GLCE: variants seen among roughly 807,000 people sequenced by gnomAD.
GLCE encodes the protein glucuronic acid epimerase, also known as D-glucuronyl C5-epimerase.
GLCE carries 19 observed loss-of-function variants against 47.9 expected under a neutral mutation model. The ratio of observed to expected loss-of-function variants is 0.40; its 90% CI spans 0.28 to 0.58. The LOEUF is 0.58. Ranked by LOEUF, GLCE falls within the 20% of genes least tolerant of loss-of-function variation. The pLI is 0.48. For missense variants in GLCE, 556 were observed against 743.3 expected, an observed-to-expected ratio of 0.75 and a Z score of 2.93; for synonymous variants, 245 against 263.4, an observed-to-expected ratio of 0.93 and a Z score of 0.68.
At chr15:69,193,151 T>G (rs767006178) in intron 1 of GLCE, among the ~76,000 whole-genome samples, 1 of 151,616 alleles carries the variant, frequency 6.6e-6, no homozygotes, top group Non-Finnish European at 1.5e-5. Flanking sequence ...AATTCAGCAA[T>G]GTTCCTAGGT....
At chr15:69,250,435 C>T (rs1358596795) in intron 2 of GLCE, among the ~76,000 whole-genome samples, 1 of 152,050 alleles carries the variant, frequency 6.6e-6, no homozygotes, top group Non-Finnish European at 1.5e-5. Context: ...CTAAATTTTT[C>T]TACAAATTTT....
chr15:69,223,012 G>A (rs1333407080), intron 2 of GLCE, among the ~76,000 whole-genome samples: 2 of 152,128 alleles, frequency 1.3e-5, no homozygotes, highest in Admixed American at 1.3e-4. Context: ...CCTGTCAGTT[G>A]TTGGTGTCAC....
chr15:69,244,489 G>A (rs967245233), intron 2 of GLCE, among the ~76,000 whole-genome samples: 2 of 152,078 alleles, frequency 1.3e-5, no homozygotes, highest in South Asian at 2.1e-4. Context: ...AATTCAGTTC[G>A]CAGTCTAGTA....
rs544636596 is a variant in GLCE, at chr15:69,236,146, G to A, written c.-13-19648G>A. Among the ~76,000 whole-genome samples the A allele has an allele frequency of 1.5e-4, 23 of 152,154 alleles. 1 individual carries two copies. Among genetic ancestry groups the A allele is most frequent in the Admixed American group, 3.3e-4 (5 of 15,276 alleles). On this transcript the variant is annotated intron_variant, in intron 2 of 4. Coordinates refer to ENST00000261858, the MANE Select transcript of GLCE (RefSeq NM_015554.3). ...TTGCTGTGTTGTGTTCCATTGTATG[G>A]ATGAACCACAGTTTATCCAGTCACC...
rs977504501 is a variant in GLCE at position 69,193,837 on chromosome 15, G to A, written c.-104-16479G>A. On this transcript the variant is annotated intron_variant, in intron 1 of 4. Coordinates refer to ENST00000261858, the MANE Select transcript of GLCE (RefSeq NM_015554.3). ...AGACTAAGATCACTTTTATTACCTA[G>A]GGCATTAGTCTCAAACCATTATTAA... Among the ~76,000 whole-genome samples the A allele has an allele frequency of 3.3e-5, 5 of 152,116 alleles. No individual in the cohort carries two copies. In the South Asian group the frequency reaches 1.0e-3, roughly 32 times the overall value.
At chr15:69,250,336 C>A (rs1014112919) in intron 2 of GLCE, among the ~76,000 whole-genome samples, 12 of 151,998 alleles carry the variant, frequency 7.9e-5, no homozygotes, top group Non-Finnish European at 4.4e-5. Flanking sequence ...TACTGTATGT[C>A]AACACTCAGA....
At chr15:69,240,796 G>T (rs1353301182) in intron 2 of GLCE, among the ~76,000 whole-genome samples, 1 of 152,026 alleles carries the variant, frequency 6.6e-6, no homozygotes, top group Non-Finnish European at 1.5e-5. Flanking sequence ...GATGAAAAAA[G>T]AAAATTTGAA....
intron 4 of GLCE, among the ~76,000 whole-genome samples, chr15:69,266,582 C>T (rs951910868): frequency 1.2e-4 from 19 of 152,154 alleles, no homozygotes; most frequent in African/African-American, 3.6e-4. Flanking sequence ...CCTTGGCCTC[C>T]GAAACTGCTG....
At chr15:69,171,992 A>T (rs1280905795) in intron 1 of GLCE, among the ~76,000 whole-genome samples, 1 of 152,196 alleles carries the variant, frequency 6.6e-6, no homozygotes, top group Non-Finnish European at 1.5e-5. Context: ...ATATATCTTT[A>T]TAGGAGAATT....
intron 3 of GLCE, among the ~76,000 whole-genome samples, chr15:69,257,167 A>C (rs2052937544): frequency 6.6e-6 from 1 of 152,164 alleles, no homozygotes; most frequent in Non-Finnish European, 1.5e-5. Context: ...GTTTGTGCTC[A>C]CTTGGTGACC....
intron 1 of GLCE, among the ~76,000 whole-genome samples, chr15:69,191,945 A>G (rs1175522827): frequency 3.9e-5 from 6 of 152,086 alleles, no homozygotes; most frequent in Admixed American, 2.6e-4. Flanking sequence ...GAAATCTGTG[A>G]TGACTTATCT....
chr15:69,235,090 A>AATCTTTTTTTTTTTTTTTTTTTT lies in GLCE; in HGVS notation c.-13-20704_-13-20703insATCTTTTTTTTTTTTTTTTTTTT, dbSNP rs1163529945. On this transcript the variant is annotated intron_variant, in intron 2 of 4. Transcript: ENST00000261858. The stretch of plus-strand genomic sequence containing the variant: ...GAACTGATACAGATAGATGAAGATT[A>AATCTTTTTTTTTTTTTTTTTTTT]TTCTTTTTTTTTTTTTTTTTTTTTT... 2.4e-5 allele frequency among the ~76,000 whole-genome samples: 2 copies of AATCTTTTTTTTTTTTTTTTTTTT among 82,488 alleles called. 1 individual carries two copies. Among genetic ancestry groups the AATCTTTTTTTTTTTTTTTTTTTT allele is most frequent in the African/African-American group, 1.1e-4 (2 of 17,666 alleles). 54.1% of individuals were successfully genotyped at this position (82,488 alleles called of 152,430 possible).
At position 69,255,997 on chromosome 15, in the gene GLCE, A is replaced by C; in HGVS notation, c.191A>C (p.Tyr64Ser). The change falls in exon 3 of 5, where the codon TAT (tyrosine) becomes TCT (serine). Residue 64 changes from tyrosine (Y) to serine (S), a missense_variant. Tyr to Ser is a moderately radical substitution (Grantham distance 144). Around this residue, in one of 3 missense-constraint regions of GLCE, gnomAD observed 237 missense variants for 310.9 expected, o/e 0.76. Transcript: ENST00000261858. Reference protein sequence around the residue: ...KRAAASESNNYMNHVAKQQSE... With the variant: ...KRAAASESNNSMNHVAKQQSE... ...GCAGCAGCATCTGAGAGTAACAACT[A>C]TATGAACCACGTGGCCAAACAACAG... The C allele has an allele frequency of 6.2e-7, 1 of 1,614,110 alleles. No individual in the cohort carries two copies.
chr15:69,203,434 AAC>A (rs1394569569), intron 1 of GLCE, among the ~76,000 whole-genome samples: 1 of 152,146 alleles, frequency 6.6e-6, no homozygotes. Flanking sequence ...TTATTAATAA[AAC>A]AGCCTTTGTT....
At chr15:69,209,470 C>G (rs1272662002) in intron 1 of GLCE, among the ~76,000 whole-genome samples, 1 of 152,076 alleles carries the variant, frequency 6.6e-6, no homozygotes, top group African/African-American at 2.4e-5. Flanking sequence ...GTTACAACAT[C>G]AGTTTGATTT....
At chr15:69,217,893 T>A (rs1270379865) in intron 2 of GLCE, among the ~76,000 whole-genome samples, 1 of 152,168 alleles carries the variant, frequency 6.6e-6, no homozygotes, top group East Asian at 1.9e-4. Flanking sequence ...CGGTGGCTCA[T>A]GCCTGTAATC....
At chr15:69,243,057 CAAAAAAAAAAAAA>C (rs547412078) in intron 2 of GLCE, among the ~76,000 whole-genome samples, 1 of 42,362 alleles carries the variant, frequency 2.4e-5, no homozygotes, top group Non-Finnish European at 5.3e-5. Flanking sequence ...AGATCCTGTC[CAAAAAAAAAAAAA>C]AAAAAAGAAA....
Position 69,215,189 on chromosome 15 carries a change from G to A in GLCE, c.-14+4783G>A, listed in dbSNP as rs551762228. 3.9e-5 allele frequency among the ~76,000 whole-genome samples: 6 copies of A among 152,012 alleles called. No homozygotes were observed. The South Asian group carries it at 6.2e-4, about 16-fold the overall frequency. On this transcript the variant is annotated intron_variant, in intron 2 of 4. Coordinates refer to ENST00000261858, the MANE Select transcript of GLCE (RefSeq NM_015554.3). The stretch of plus-strand genomic sequence containing the variant: ...CAACAGCAGTTCTGTGACCACCCCC[G>A]CACCCCCAATTTTTTTGTGCTGCCA...
At chr15:69,172,441 T>C (rs2051602390) in intron 1 of GLCE, among the ~76,000 whole-genome samples, 1 of 152,238 alleles carries the variant, frequency 6.6e-6, no homozygotes, top group Non-Finnish European at 1.5e-5. Flanking sequence ...GAAGATACTC[T>C]GGCCATAGTA....
Sources: gnomAD v4.1 joint callset for allele counts (sites outside exome capture counted in the v4.1 genomes callset) on GRCh38, gnomAD v4.1.1 for gene constraint, gnomAD v4.1.1 regional missense constraint, MANE v1.5 for transcripts, NCBI Gene and HGNC (gene_info 2026-07-23, HGNC 2026-07-21) for gene names.